EXT1: variants seen among roughly 807,000 people sequenced by gnomAD.
EXT1 encodes the protein exostosin glycosyltransferase 1.
EXT1 carries 20 observed loss-of-function variants against 82.5 expected under a neutral mutation model. The observed-to-expected ratio is 0.24, with a 90% confidence interval of 0.17 to 0.35. The LOEUF (loss-of-function observed/expected upper bound fraction) is 0.35. Ranked by LOEUF, EXT1 falls within the 10% of genes least tolerant of loss-of-function variation. The probability of loss-of-function intolerance (pLI) is 1.00; values close to 1 mark genes in which losing one functional copy is unlikely to be tolerated. For missense variants in EXT1, 757 were observed against 936.5 expected, an observed-to-expected ratio of 0.81 and a Z score of 2.50; for synonymous variants, 348 against 350.8, an observed-to-expected ratio of 0.99 and a Z score of 0.09.
intron 4 of EXT1, among the ~76,000 whole-genome samples, chr8:117,825,705 G>A (rs548031568): frequency 1.6e-4 from 25 of 152,132 alleles, no homozygotes; most frequent in Non-Finnish European, 3.5e-4. Context: ...TAAGATACAC[G>A]ATGCCACCAT....
chr8:118,089,319 A>C (rs1465134741), intron 1 of EXT1, among the ~76,000 whole-genome samples: 1 of 152,168 alleles, frequency 6.6e-6, no homozygotes, highest in Non-Finnish European at 1.5e-5. Flanking sequence ...CAAATTTTAC[A>C]CTCAGTTATA....
At chr8:118,072,061 A>C (rs955673784) in intron 1 of EXT1, among the ~76,000 whole-genome samples, 11 of 152,122 alleles carry the variant, frequency 7.2e-5, no homozygotes, top group Non-Finnish European at 1.6e-4. Context: ...CCAAATCAAA[A>C]AGAGGAAGGA....
chr8:117,945,595 A>T (rs1046925736), intron 1 of EXT1, among the ~76,000 whole-genome samples: 1 of 151,658 alleles, frequency 6.6e-6, no homozygotes, highest in Non-Finnish European at 1.5e-5. Context: ...TCCGCCTCCC[A>T]GGTTCAAGCA....
chr8:117,969,407 A>G (rs1814893700), intron 1 of EXT1, among the ~76,000 whole-genome samples: 1 of 152,178 alleles, frequency 6.6e-6, no homozygotes, highest in African/African-American at 2.4e-5. Flanking sequence ...AACAAACTAA[A>G]AATGTCAACC....
In EXT1 at chr8:117,827,784, C is replaced by CAAAAAAAAAA. The variant is rs768731740; in HGVS notation, c.1284+2436_1284+2445dup. Among the ~76,000 whole-genome samples the CAAAAAAAAAA allele has an allele frequency of 1.7e-3, 93 of 54,140 alleles. 9 individuals carry two copies. The highest frequency in any genetic ancestry group is 6.8e-3 in the African/African-American group (85 of 12,558). 35.5% of individuals were successfully genotyped at this position (54,140 alleles called of 152,430 possible). On this transcript the variant is annotated intron_variant, in intron 4 of 10. Coordinates refer to ENST00000378204, the MANE Select transcript of EXT1 (RefSeq NM_000127.3). Reference sequence around the variant, plus strand: ...TGGGGGACAGGGTGAGACTCTGTCTCAAAAAAAAAAAAAAAAAAAAAAAAA... The same window carrying CAAAAAAAAAA: ...TGGGGGACAGGGTGAGACTCTGTCTCAAAAAAAAAAAAAAAAAAAAAAAAAAAAAAAAAAA...
intron 1 of EXT1, among the ~76,000 whole-genome samples, chr8:117,977,309 C>G (rs1311908334): frequency 6.6e-6 from 1 of 151,454 alleles, no homozygotes; most frequent in Admixed American, 6.6e-5. Context: ...ATCGCTTGAA[C>G]CCAGGACGCG....
rs944723306 is a variant in EXT1, at chr8:117,914,826, T to C, written c.963-77625A>G. Among the ~76,000 whole-genome samples, 5 of 152,344 alleles carry C rather than the reference T, an allele frequency of 3.3e-5. No individual in the cohort carries two copies. In the South Asian group the frequency reaches 6.2e-4, roughly 19 times the overall value. The stretch of plus-strand genomic sequence containing the variant: ...AAGACAATACGTGCACCGCTGAACA[T>C]AGACCCTTATCAGTAGTTCTGCTTT... On this transcript the variant is annotated intron_variant, in intron 1 of 10. Transcript: ENST00000378204.
intron 1 of EXT1, among the ~76,000 whole-genome samples, chr8:117,837,587 C>T (rs1196716355): frequency 2.6e-5 from 4 of 152,210 alleles, no homozygotes; most frequent in East Asian, 3.9e-4. Context: ...TTTAACAATA[C>T]GGCATTCAGC....
chr8:117,889,158 T>A (rs996901080), intron 1 of EXT1, among the ~76,000 whole-genome samples: 1 of 152,170 alleles, frequency 6.6e-6, no homozygotes, highest in African/African-American at 2.4e-5. Flanking sequence ...GATATGTGTT[T>A]AAAATGGTGG....
intron 1 of EXT1, among the ~76,000 whole-genome samples, chr8:117,962,512 G>C (rs1371347452): frequency 6.6e-6 from 1 of 152,036 alleles, no homozygotes; most frequent in African/African-American, 2.4e-5. Flanking sequence ...CAGCACTTTT[G>C]GAGGCCAAAG....
intron 1 of EXT1, among the ~76,000 whole-genome samples, chr8:118,056,067 T>A (rs1816789051): frequency 7.5e-6 from 1 of 133,296 alleles, no homozygotes; most frequent in Non-Finnish European, 1.7e-5. Context: ...TGATAGCTGA[T>A]GAGCTAGGAA....
At chr8:118,073,155 T>G (rs1183406147) in intron 1 of EXT1, among the ~76,000 whole-genome samples, 1 of 152,236 alleles carries the variant, frequency 6.6e-6, no homozygotes, top group Non-Finnish European at 1.5e-5. Context: ...TATATTCACT[T>G]AGTAGCCCAT....
At chr8:117,808,101 T>G (rs113242438) in intron 8 of EXT1, among the ~76,000 whole-genome samples, 29 of 152,372 alleles carry the variant, frequency 1.9e-4, no homozygotes, top group South Asian at 6.2e-4. Flanking sequence ...AGCAGGTGCT[T>G]CTGAACCTGC....
chr8:117,878,658 A>C (rs897535693), intron 1 of EXT1, among the ~76,000 whole-genome samples: 2 of 152,226 alleles, frequency 1.3e-5, no homozygotes, highest in East Asian at 3.8e-4. Context: ...TTCTAGAACA[A>C]CCAATCTCTG....
At chr8:118,028,381 T>C (rs1032716741) in intron 1 of EXT1, among the ~76,000 whole-genome samples, 2 of 152,224 alleles carry the variant, frequency 1.3e-5, no homozygotes, top group African/African-American at 2.4e-5. Flanking sequence ...GAATTCTTGA[T>C]AGAAATTCCA....
Position 117,908,667 on chromosome 8 carries a change from A to T in EXT1, c.963-71466T>A, listed in dbSNP as rs562328116. 3.5e-3 allele frequency among the ~76,000 whole-genome samples: 529 copies of T among 152,146 alleles called. 3 individuals are homozygous for T. The highest frequency in any genetic ancestry group is 9.2e-3 in the African/African-American group (380 of 41,516). ...AAAACAAAAAAAACCAACAAAAAAC[A>T]AAAACAAAACACACACACACAAAAC... On this transcript the variant is annotated intron_variant, in intron 1 of 10. Transcript: ENST00000378204.
rs1164189448 is a variant in EXT1 at position 118,111,450 on chromosome 8, A to G, written c.-404T>C. ...CCTTGCCTCTCGGATTCCTCTCGGC[A>G]GCGTGGAAAATGAGCCCCGGGAAGG... is the stretch of plus-strand genomic sequence containing the variant. On this transcript the variant is annotated 5_prime_UTR_variant, in exon 1 of 11. Coordinates refer to ENST00000378204, the MANE Select transcript of EXT1 (RefSeq NM_000127.3). 3 of 532,224 alleles carry G rather than the reference A, an allele frequency of 5.6e-6. No individual in the cohort carries two copies. Among genetic ancestry groups the G allele is most frequent in the Non-Finnish European group, 9.8e-6 (3 of 304,608 alleles). The allele number at this position is 532,224 out of a possible 1,614,324, so 33.0% of individuals were successfully genotyped here. A position where few individuals can be genotyped will look rare whatever the true frequency, so the allele number is the denominator to read the frequency against.
At chr8:118,024,182 G>A (rs181036578) in intron 1 of EXT1, among the ~76,000 whole-genome samples, 1 of 152,338 alleles carries the variant, frequency 6.6e-6, no homozygotes, top group East Asian at 1.9e-4. Flanking sequence ...CAAGGAAGGT[G>A]AGAAAATGTA....
In EXT1 at chr8:117,858,896, A is replaced by G. The variant is rs552027056; in HGVS notation, c.963-21695T>C. On this transcript the variant is annotated intron_variant, in intron 1 of 10. Coordinates refer to ENST00000378204, the MANE Select transcript of EXT1 (RefSeq NM_000127.3). The stretch of plus-strand genomic sequence containing the variant: ...AAGAAAGAAAGAAAGAAAGAAAGAA[A>G]GAAAGAAAGAAAGAAATTGCCACAG... Among the ~76,000 whole-genome samples, 528 of 131,708 alleles carry G rather than the reference A, an allele frequency of 4.0e-3. 10 individuals are homozygous for G. The highest frequency in any genetic ancestry group is 6.6e-3 in the African/African-American group (249 of 37,480). 86.4% of individuals were successfully genotyped at this position (131,708 alleles called of 152,430 possible).
Sources: allele counts gnomAD v4.1 joint callset (sites outside exome capture counted in the v4.1 genomes callset), GRCh38; gene constraint gnomAD v4.1.1; transcripts MANE v1.5; gene names NCBI Gene and HGNC (gene_info 2026-07-23, HGNC 2026-07-21).